The following CYP4F12 variants were observed in gnomAD, a reference collection of about 807,000 sequenced individuals.
CYP4F12 encodes cytochrome P450 family 4 subfamily F member 12, also known as cytochrome P450 4F12.
CYP4F12 carries 60 observed loss-of-function variants against 56.5 expected under a neutral mutation model. The observed-to-expected ratio is 1.06, with a 90% CI of 0.86 to 1.32. The LOEUF (loss-of-function observed/expected upper bound fraction) is 1.32. Ranked by LOEUF, CYP4F12 falls within the 40% of genes most tolerant of loss-of-function variation. The pLI, the probability that CYP4F12 is intolerant of heterozygous loss-of-function variation, is 0.00. For synonymous variants in CYP4F12, 263 were observed against 264.9 expected (o/e 0.99, Z 0.07); for missense variants, 711 against 683.5 (o/e 1.04, Z -0.45).
chr19:15,696,761 C>T, intron 12 of CYP4F12, 147 bp from the exon 13 acceptor site: 1 of 1,178,156 alleles, frequency 8.5e-7, no homozygotes, highest in African/African-American at 1.5e-5. Flanking sequence ...CATACAAGCC[C>T]ACATGGGAGT....
At position 15,696,419 on chromosome 19, in the gene CYP4F12, C is replaced by T. The variant is rs138003903; in HGVS notation, c.1315-11C>T. The T allele has an allele frequency of 9.3e-4, 1,494 of 1,614,156 alleles. 13 individuals are homozygous for T. In the African/African-American group the frequency reaches 0.017, roughly 19 times the overall value. ...AATCCCACTGGCAAACCTTCTTTGT[C>T]TCACCTGCAGGTCTACGACCCCTTC... On this transcript the variant is annotated splice_polypyrimidine_tract_variant and intron_variant, in intron 11 of 12. Coordinates refer to ENST00000550308, the MANE Select transcript of CYP4F12 (RefSeq NM_023944.4).
intron 1 of CYP4F12, 69 bp from the exon 2 acceptor site, chr19:15,673,460 C>T (rs1039822829): frequency 6.4e-6 from 10 of 1,550,754 alleles, no homozygotes; most frequent in Non-Finnish European, 7.9e-6. Context: ...TGACTTCGCC[C>T]CTATACACTG....
At chr19:15,677,610 C>T (rs1312779847) in intron 2 of CYP4F12, among the ~76,000 whole-genome samples, 1 of 77,874 alleles carries the variant, frequency 1.3e-5, no homozygotes, top group African/African-American at 5.0e-5. Flanking sequence ...ACTCGTTCCT[C>T]TCCTCACTCA....
At chr19:15,695,580 G>A (rs1055364763) in intron 9 of CYP4F12, among the ~76,000 whole-genome samples, 1 of 151,306 alleles carries the variant, frequency 6.6e-6, no homozygotes, top group Non-Finnish European at 1.5e-5. Flanking sequence ...CTAGCATCAC[G>A]CTAAATAAGA....
intron 9 of CYP4F12, among the ~76,000 whole-genome samples, chr19:15,688,531 G>A (rs1326163473): frequency 1.3e-5 from 2 of 152,158 alleles, no homozygotes; most frequent in Non-Finnish European, 2.9e-5. Context: ...AATGATCATA[G>A]TGCAAAGCAA....
chr19:15,678,334 G>A lies in CYP4F12; in HGVS notation c.272G>A (p.Trp91Ter). 6.2e-7 allele frequency: 1 copy of A among 1,614,162 alleles called. No individual in the cohort carries two copies. Among genetic ancestry groups the A allele is most frequent in the Non-Finnish European group, 8.5e-7 (1 of 1,180,026 alleles). Residue 91 changes from tryptophan to a stop codon, truncating the protein, a stop_gained, in exon 3 of 13, where the codon TGG becomes TAG. Transcript: ENST00000550308. LOFTEE classifies it high-confidence loss of function. ...SATYSQGFTVWLGPIIPFIVL... is the reference protein window; with the variant it reads ...SATYSQGFTV Reference sequence around the variant, plus strand: ...ACCTATTCCCAGGGCTTTACGGTATGGCTGGGTCCCATCATCCCCTTCATC... The same window carrying A: ...ACCTATTCCCAGGGCTTTACGGTATAGCTGGGTCCCATCATCCCCTTCATC...
chr19:15,686,609 A>G (rs2007619191), intron 9 of CYP4F12, among the ~76,000 whole-genome samples: 2 of 152,256 alleles, frequency 1.3e-5, no homozygotes, highest in African/African-American at 2.4e-5. Flanking sequence ...TAGTGAAAGC[A>G]GAGTCTGGCT....
chr19:15,681,976 G>A (rs1268100397), intron 5 of CYP4F12: 1 of 164,240 alleles, frequency 6.1e-6, no homozygotes, highest in Non-Finnish European at 1.3e-5. Context: ...GATGAACTGA[G>A]GGCCAGAGAG....
At chr19:15,692,654 T>C (rs1467707513) in intron 9 of CYP4F12, among the ~76,000 whole-genome samples, 1 of 152,212 alleles carries the variant, frequency 6.6e-6, no homozygotes, top group Non-Finnish European at 1.5e-5. Flanking sequence ...ATCATTTTTT[T>C]CTAAAAGAGT....
At chr19:15,695,509 A>AAAAC (rs1555754097) in intron 9 of CYP4F12, among the ~76,000 whole-genome samples, 1,607 of 150,382 alleles carry the variant, frequency 0.011, 3 homozygotes, top group African/African-American at 0.037. Context: ...ATAATAAAAA[A>AAAAC]AAAAAAACAA....
intron 3 of CYP4F12, 128 bp downstream of exon 3, chr19:15,678,533 A>C: frequency 3.2e-6 from 4 of 1,251,498 alleles, no homozygotes; most frequent in East Asian, 2.4e-5. Context: ...TTCTCCCTCC[A>C]TTGCCATCTG....
Position 15,673,728 on chromosome 19 carries a change from G to C in CYP4F12, c.198+1G>C. 1 of 1,613,978 alleles carries C rather than the reference G, an allele frequency of 6.2e-7. No individual in the cohort carries two copies. Among genetic ancestry groups the C allele is most frequent in the South Asian group, 1.1e-5 (1 of 91,076 alleles). On this transcript the variant is annotated splice_donor_variant, in intron 2 of 12. Transcript: ENST00000550308. LOFTEE classifies it high-confidence loss of function. ...CTGGTTTTGGGGTCACCTGGGCCTG[G>C]TGAGTGTGACAGCAAAATGTGTCTG...
At position 15,677,674 on chromosome 19, in the gene CYP4F12, T is replaced by TCTACC. The variant is rs2007036554; in HGVS notation, c.199-586_199-585insTACCC. On this transcript the variant is annotated intron_variant, in intron 2 of 12. Coordinates refer to ENST00000550308, the MANE Select transcript of CYP4F12 (RefSeq NM_023944.4). ...TCTCCTCACTCACTCATTCCTCTCCTCACTCACTCATTCCTCTCCTCCCTC... is the reference window on the plus strand; with the variant it reads ...TCTCCTCACTCACTCATTCCTCTCCTCTACCCACTCACTCATTCCTCTCCTCCCTC... Among the ~76,000 whole-genome samples the TCTACC allele has an allele frequency of 1.2e-3, 2 of 1,624 alleles. 1 individual carries two copies. The highest frequency in any genetic ancestry group is 2.9e-3 in the Non-Finnish European group (2 of 678). 1.1% of individuals were successfully genotyped at this position (1,624 alleles called of 152,430 possible).
At chr19:15,692,609 T>C (rs1319379672) in intron 9 of CYP4F12, among the ~76,000 whole-genome samples, 1 of 152,170 alleles carries the variant, frequency 6.6e-6, no homozygotes, top group Non-Finnish European at 1.5e-5. Context: ...CTGAACCTTG[T>C]TCTCATATCT....
At chr19:15,695,347 C>T (rs1600013674) in intron 9 of CYP4F12, among the ~76,000 whole-genome samples, 1 of 109,990 alleles carries the variant, frequency 9.1e-6, no homozygotes, top group East Asian at 2.6e-4. Context: ...ACTCTGGGGA[C>T]TGTTGTGGGG....
chr19:15,686,053 T>G (rs1206907578), intron 9 of CYP4F12, among the ~76,000 whole-genome samples: 2 of 152,192 alleles, frequency 1.3e-5, no homozygotes, highest in African/African-American at 4.8e-5. Context: ...TTCCAGGTAC[T>G]CCCAGCCTAG....
At chr19:15,693,958 T>C (rs945009960) in intron 9 of CYP4F12, among the ~76,000 whole-genome samples, 1 of 149,724 alleles carries the variant, frequency 6.7e-6, no homozygotes, top group Non-Finnish European at 1.5e-5. Context: ...CCTTTCCCCA[T>C]TGCTTGTTTT....
rs1452815588 is a variant in CYP4F12, at chr19:15,696,968, G to C, written c.1458G>C (p.Leu486=). 2 of 1,614,224 alleles carry C rather than the reference G, an allele frequency of 1.2e-6. No homozygotes were observed. The highest frequency in any genetic ancestry group is 1.3e-5 in the African/African-American group (1 of 75,076). The change falls in exon 13 of 13, where the codon CTG becomes CTC. Residue 486 remains leucine, a synonymous_variant. Coordinates refer to ENST00000550308, the MANE Select transcript of CYP4F12 (RefSeq NM_023944.4). The stretch of plus-strand genomic sequence containing the variant: ...TGAAAGTGGTCCTGGCGTTGATGCT[G>C]CTGCACTTCCGGTTCCTGCCAGACC... ...AEMKVVLALM[L]LHFRFLPDHT... is the part of the protein sequence containing the mutation.
Position 15,673,576 on chromosome 19 carries a change from C to T in CYP4F12, c.47C>T (p.Thr16Met), listed in dbSNP as rs16995378. Reference protein sequence around the residue: ...LPWLGLRPVATSPWLLLLLVV... With the variant: ...LPWLGLRPVAMSPWLLLLLVV... Reference sequence around the variant, plus strand: ...TGGCTGGGCCTCAGACCGGTGGCAACGTCCCCATGGCTACTCCTGCTGCTG... The same window carrying T: ...TGGCTGGGCCTCAGACCGGTGGCAATGTCCCCATGGCTACTCCTGCTGCTG... The change falls in exon 2 of 13, where the codon ACG becomes ATG. Residue 16 changes from threonine (T) to methionine (M), a missense_variant. Coordinates refer to ENST00000550308, the MANE Select transcript of CYP4F12 (RefSeq NM_023944.4). 1,505,582 of 1,613,984 alleles carry T rather than the reference C, an allele frequency of 0.93. 702,712 individuals are homozygous for T. Among genetic ancestry groups the T allele is most frequent in the East Asian group, 1 (44,848 of 44,854 alleles).
Sources: gnomAD v4.1 joint callset for allele counts (sites outside exome capture counted in the v4.1 genomes callset) on GRCh38, gnomAD v4.1.1 for gene constraint, MANE v1.5 for transcripts, NCBI Gene and HGNC (gene_info 2026-07-23, HGNC 2026-07-21) for gene names.